PLPP5: variants seen among roughly 807,000 people sequenced by gnomAD.
PLPP5 encodes diacylglycerol pyrophosphate like 1.
Under a neutral mutation model 23.6 loss-of-function variants are expected in PLPP5, and 29 were observed. The ratio of observed to expected loss-of-function variants is 1.23; its 90% CI spans 0.92 to 1.68. The LOEUF is 1.68. Ranked by LOEUF, PLPP5 falls within the 40% of genes most tolerant of loss-of-function variation. The pLI, the probability that PLPP5 is intolerant of heterozygous loss-of-function variation, is 0.00. For synonymous variants in PLPP5, 143 were observed against 131.3 expected (o/e 1.09, Z -0.61); for missense variants, 315 against 332.1 (o/e 0.95, Z 0.40).
chr8:38,268,211 A>AC, intron 3 of PLPP5, 160 bp downstream of exon 3: 1 of 1,067,340 alleles, frequency 9.4e-7, no homozygotes, highest in Non-Finnish European at 1.3e-6. Flanking sequence ...AGCCTGCGTA[A>AC]CCAAGTCCCT....
In PLPP5 at chr8:38,268,472, A is replaced by ATGTC. The variant is rs1230296803; in HGVS notation, c.184-15_184-12dup. On this transcript the variant is annotated splice_polypyrimidine_tract_variant and intron_variant, in intron 2 of 6. Coordinates refer to ENST00000424479, the MANE Select transcript of PLPP5 (RefSeq NM_001102559.2). ...GAGAAATGCAATAACCTGAATCAGA[A>ATGTC]TGTCAGAGGTTAAAAACAATCCAAA... 12 of 1,561,618 alleles carry ATGTC rather than the reference A, an allele frequency of 7.7e-6. No individual in the cohort carries two copies. The highest frequency in any genetic ancestry group is 1.0e-5 in the Non-Finnish European group (12 of 1,152,532).
Position 38,268,895 on chromosome 8 carries a change from G to T in PLPP5, c.170C>A (p.Thr57Asn). ...NPYVEAEYFPTKPMFVIAFLS... is the reference protein window; with the variant it reads ...NPYVEAEYFPNKPMFVIAFLS... ...TTCTCCACGCACAAACATCGGCTTG[G>T]TGGGGAAATACTCCGCCTCCACGTA... The change falls in exon 2 of 7, where the codon ACC (threonine) becomes AAC (asparagine). Residue 57 changes from threonine to asparagine, a missense_variant. Thr to Asn is a moderately conservative substitution (Grantham distance 65, BLOSUM62 0). Transcript: ENST00000424479. 1.3e-6 allele frequency: 2 copies of T among 1,553,344 alleles called. No individual in the cohort carries two copies. The highest frequency in any genetic ancestry group is 2.4e-5 in the South Asian group (2 of 83,692).
chr8:38,263,200 C>G lies in PLPP5; in HGVS notation c.*1244G>C, dbSNP rs545884420. ...AATATAGGAACATACACATAAAAGA[C>G]AATGTCATATTTAAAGTATAATCAC... On this transcript the variant is annotated 3_prime_UTR_variant, in exon 7 of 7. Transcript: ENST00000424479. The G allele has an allele frequency of 6.1e-5, 10 of 163,168 alleles. No individual in the cohort carries two copies. Among genetic ancestry groups the G allele is most frequent in the African/African-American group, 2.4e-4 (10 of 41,770 alleles). The allele number at this position is 163,168 out of a possible 1,614,324, so 10.1% of individuals were successfully genotyped here.
intron 5 of PLPP5, 100 bp from the exon 6 acceptor site, chr8:38,266,411 T>C: frequency 8.5e-7 from 1 of 1,176,732 alleles, no homozygotes; most frequent in South Asian, 1.5e-5. Context: ...TTTTTATTTA[T>C]TTATTTTTTG....
Position 38,264,237 on chromosome 8 carries a change from T to C in PLPP5, c.*207A>G. On this transcript the variant is annotated 3_prime_UTR_variant, in exon 7 of 7. Coordinates refer to ENST00000424479, the MANE Select transcript of PLPP5 (RefSeq NM_001102559.2). ...ATCTCGGCTCACTGGAACCTCCAGC[T>C]CCCAGGTTCAAGCAATTCTCCTACC... The C allele has an allele frequency of 1.2e-6, 1 of 815,892 alleles. No homozygotes were observed. Among genetic ancestry groups the C allele is most frequent in the South Asian group, 3.3e-5 (1 of 30,196 alleles). 50.5% of individuals were successfully genotyped at this position (815,892 alleles called of 1,614,324 possible).
Position 38,268,865 on chromosome 8 carries a change from G to A in PLPP5, c.183+17C>T. 1 of 1,540,944 alleles carries A rather than the reference G, an allele frequency of 6.5e-7. No individual in the cohort carries two copies. On this transcript the variant is annotated intron_variant, in intron 2 of 6. Transcript: ENST00000424479. ...CGGGTCATGGGGAGGGAGGAAAGAC[G>A]ATCTTTCTCCACGCACAAACATCGG...
chr8:38,263,497 C>T lies in PLPP5; in HGVS notation c.*947G>A. On this transcript the variant is annotated 3_prime_UTR_variant, in exon 7 of 7. Transcript: ENST00000424479. Reference sequence around the variant, plus strand: ...TCATCTGTTAGTAGTGCTGAAACCACACTCCTGACCATTTTCTTCTTTATT... The same window carrying T: ...TCATCTGTTAGTAGTGCTGAAACCATACTCCTGACCATTTTCTTCTTTATT... 2 of 985,450 alleles carry T rather than the reference C, an allele frequency of 2.0e-6. No homozygotes were observed. Among genetic ancestry groups the T allele is most frequent in the Non-Finnish European group, 2.4e-6 (2 of 829,916 alleles). The allele number at this position is 985,450 out of a possible 1,614,324, so 61.0% of individuals were successfully genotyped here.
At position 38,266,255 on chromosome 8, in the gene PLPP5, A is replaced by C; in HGVS notation, c.520T>G (p.Phe174Val). The C allele has an allele frequency of 6.2e-7, 1 of 1,613,840 alleles. No homozygotes were observed. Among genetic ancestry groups the C allele is most frequent in the South Asian group, 1.1e-5 (1 of 91,004 alleles). Residue 174 changes from phenylalanine to valine, a missense_variant, in exon 6 of 7, where the codon TTC becomes GTC. By Grantham distance (50) the Phe-to-Val change is conservative. Transcript: ENST00000424479. Reference sequence around the variant, plus strand: ...GATTTCCCACGGCCTTGTGGTGTGAAGCAGTGTAACTTCCCTGCCAGGTAG... The same window carrying C: ...GATTTCCCACGGCCTTGTGGTGTGACGCAGTGTAACTTCCCTGCCAGGTAG... ...SFYLAGKLHC[F>V]TPQGRGKSWR... is the part of the protein sequence containing the mutation.
chr8:38,268,169 A>T, intron 3 of PLPP5: 3 of 1,255,762 alleles, frequency 2.4e-6, no homozygotes, highest in Admixed American at 2.8e-5. Flanking sequence ...CAAATAACCC[A>T]GTGCATTTAG....
Position 38,268,239 on chromosome 8 carries a change from T to C in PLPP5, c.274+132A>G, listed in dbSNP as rs145364972. The C allele has an allele frequency of 1.2e-4, 126 of 1,074,440 alleles. No individual in the cohort carries two copies. In the African/African-American group the frequency reaches 1.7e-3, roughly 14 times the overall value. 66.6% of individuals were successfully genotyped at this position (1,074,440 alleles called of 1,614,324 possible). A position where few individuals can be genotyped will look rare whatever the true frequency, so the allele number is the denominator to read the frequency against. On this transcript the variant is annotated intron_variant, in intron 3 of 6. Transcript: ENST00000424479. ...AAGTCCCTGCAGTGCTATTTTCCTC[T>C]CCCGCGGGGATAGAGTTCCTTTAGG...
intron 5 of PLPP5, chr8:38,267,026 A>G: frequency 7.1e-7 from 1 of 1,399,890 alleles, no homozygotes; most frequent in Non-Finnish European, 9.3e-7. Flanking sequence ...TGCAGGATCT[A>G]GGCAAATAAT....
In PLPP5 at chr8:38,269,189, G is replaced by A. The variant is rs773022503; in HGVS notation, c.11C>T (p.Ala4Val). 25 of 1,501,660 alleles carry A rather than the reference G, an allele frequency of 1.7e-5. No homozygotes were observed. The highest frequency in any genetic ancestry group is 2.1e-5 in the Non-Finnish European group (24 of 1,133,284). 93.0% of individuals were successfully genotyped at this position (1,501,660 alleles called of 1,614,324 possible). A position where few individuals can be genotyped will look rare whatever the true frequency, so the allele number is the denominator to read the frequency against. Reference protein sequence around the residue: MGKAAAAVAFGAEV... With the variant: MGKVAAAVAFGAEV... ...GGCCCCAAAGGCCACCGCCGCCGCCGCCTTCCCCATCCGGCCGCGAGCTCC... is the reference window on the plus strand; with the variant it reads ...GGCCCCAAAGGCCACCGCCGCCGCCACCTTCCCCATCCGGCCGCGAGCTCC... Residue 4 changes from alanine (A) to valine (V), a missense_variant, in exon 1 of 7, where the codon GCG becomes GTG. Coordinates refer to ENST00000424479, the MANE Select transcript of PLPP5 (RefSeq NM_001102559.2).
chr8:38,267,325 T>G lies in PLPP5; in HGVS notation c.405A>C (p.Thr135=). ...CCTCATTCACCACGTCCTTATCCCC[T>G]GTACACATCAAGTCAGAATGGGCTA... ...DGLAHSDLMC[T]GDKDVVNEGR... is the part of the protein sequence containing the mutation. Residue 135 remains threonine, a synonymous_variant, in exon 5 of 7, where the codon ACA becomes ACC. Transcript: ENST00000424479. 6.2e-7 allele frequency: 1 copy of G among 1,614,032 alleles called. No homozygotes were observed. The highest frequency in any genetic ancestry group is 8.5e-7 in the Non-Finnish European group (1 of 1,179,894).
chr8:38,268,795 A>AAAG lies in PLPP5; in HGVS notation c.183+84_183+86dup, dbSNP rs1808164664. ...AGCGGAGTGGGCAGTGGGTCCCTAC[A>AAAG]AAGGCCGTCTCGGGGTGGAAAACGC... On this transcript the variant is annotated intron_variant, in intron 2 of 6. Transcript: ENST00000424479. The AAAG allele has an allele frequency of 3.5e-6, 5 of 1,447,500 alleles. No homozygotes were observed. In the African/African-American group the frequency reaches 4.4e-5, roughly 13 times the overall value. The allele number at this position is 1,447,500 out of a possible 1,614,324, so 89.7% of individuals were successfully genotyped here.
chr8:38,264,386 G>A lies in PLPP5; in HGVS notation c.*58C>T. The A allele has an allele frequency of 1.5e-6, 2 of 1,359,652 alleles. No homozygotes were observed. The highest frequency in any genetic ancestry group is 5.2e-5 in the East Asian group (2 of 38,742). 84.2% of individuals were successfully genotyped at this position (1,359,652 alleles called of 1,614,324 possible). A position where few individuals can be genotyped will look rare whatever the true frequency, so the allele number is the denominator to read the frequency against. ...GACCTCAGGTGATCCACCCTCCTCA[G>A]CCTCCCAAAGTGTTGGGATTACAGG... On this transcript the variant is annotated 3_prime_UTR_variant, in exon 7 of 7. Transcript: ENST00000424479.
rs1254697644 is a variant in PLPP5 at position 38,263,203 on chromosome 8, TG to T, written c.*1240del. ...ATAGGAACATACACATAAAAGACAA[TG>T]TCATATTTAAAGTATAATCACAATA... is the stretch of plus-strand genomic sequence containing the variant. On this transcript the variant is annotated 3_prime_UTR_variant, in exon 7 of 7. Coordinates refer to ENST00000424479, the MANE Select transcript of PLPP5 (RefSeq NM_001102559.2). 1 of 163,424 alleles carries T rather than the reference TG, an allele frequency of 6.1e-6. No individual in the cohort carries two copies. Among genetic ancestry groups the T allele is most frequent in the East Asian group, 1.9e-4 (1 of 5,252 alleles). 10.1% of individuals were successfully genotyped at this position (163,424 alleles called of 1,614,324 possible). A position where few individuals can be genotyped will look rare whatever the true frequency, so the allele number is the denominator to read the frequency against.
chr8:38,268,801 C>G, intron 2 of PLPP5, 81 bp downstream of exon 2: 3 of 1,447,198 alleles, frequency 2.1e-6, no homozygotes, highest in Non-Finnish European at 2.7e-6. Context: ...CTACAAAGGC[C>G]GTCTCGGGGT....
At chr8:38,266,011 G>T in intron 6 of PLPP5, 130 bp downstream of exon 6, 1 of 771,848 alleles carries the variant, frequency 1.3e-6, no homozygotes, top group Non-Finnish European at 2.0e-6. Flanking sequence ...ACTTAGTACA[G>T]AACCCAGACC....
Position 38,264,539 on chromosome 8 carries a change from G to A in PLPP5, c.700C>T (p.Pro234Ser). ...TTATGGCATTCTGCATCAGTCAGAG[G>A]AGGATAATACTGCCGATAGCAGACA... Reference protein sequence around the residue: ...AYVCYRQYYPPLTDAECHKPF... With the variant: ...AYVCYRQYYPSLTDAECHKPF... Residue 234 changes from proline (P) to serine (S), a missense_variant, in exon 7 of 7, where the codon CCT (proline) becomes TCT (serine). Physicochemically the swap from Pro to Ser is moderately conservative, Grantham distance 74. Coordinates refer to ENST00000424479, the MANE Select transcript of PLPP5 (RefSeq NM_001102559.2). 2 of 1,573,744 alleles carry A rather than the reference G, an allele frequency of 1.3e-6. No homozygotes were observed. Among genetic ancestry groups the A allele is most frequent in the East Asian group, 2.3e-5 (1 of 43,328 alleles).
Sources: gnomAD v4.1 joint callset for allele counts on GRCh38, gnomAD v4.1.1 for gene constraint, MANE v1.5 for transcripts, NCBI Gene and HGNC (gene_info 2026-07-23, HGNC 2026-07-21) for gene names.